The following TAFA1 variants were observed in gnomAD, a reference collection of about 807,000 sequenced individuals.
TAFA1 encodes the protein TAFA chemokine like family member 1, also known as chemokine-like protein TAFA-1.
Under a neutral mutation model 18.5 loss-of-function variants are expected in TAFA1, and 4 were observed. The ratio of observed to expected loss-of-function variants is 0.22; its 90% confidence interval spans 0.11 to 0.49. The LOEUF is 0.49. TAFA1 is among the 20% of genes least tolerant of loss of function. The probability of loss-of-function intolerance (pLI) is 0.98; values close to 1 mark genes in which losing one functional copy is unlikely to be tolerated. For synonymous variants in TAFA1, 56 were observed against 55.2 expected (o/e 1.01, Z -0.06); for missense variants, 147 against 169.0 (o/e 0.87, Z 0.72).
At chr3:68,502,284 T>A (rs1441419257) in intron 3 of TAFA1, among the ~76,000 whole-genome samples, 1 of 152,162 alleles carries the variant, frequency 6.6e-6, no homozygotes, top group Non-Finnish European at 1.5e-5. Context: ...ATAAGGTTTA[T>A]AATTACTCTT....
intron 3 of TAFA1, among the ~76,000 whole-genome samples, chr3:68,445,783 T>G (rs2071465798): frequency 6.6e-6 from 1 of 152,168 alleles, no homozygotes; most frequent in African/African-American, 2.4e-5. Flanking sequence ...AATTTCCAAG[T>G]GCTGCTGCTG....
rs68051336 is a variant in TAFA1, at chr3:68,203,950, G to GC, written c.118+197214dup. ...GGTTAAAGTCACAAAAATGTCAAAG[G>GC]CCCCCCCCACCCCCCATGACCACAT... On this transcript the variant is annotated intron_variant, in intron 2 of 4. Transcript: ENST00000478136. Among the ~76,000 whole-genome samples the GC allele has an allele frequency of 3.7e-3, 472 of 126,274 alleles. 5 individuals carry two copies. The highest frequency in any genetic ancestry group is 0.013 in the African/African-American group (444 of 35,472). 82.8% of individuals were successfully genotyped at this position (126,274 alleles called of 152,430 possible). A position where few individuals can be genotyped will look rare whatever the true frequency, so the allele number is the denominator to read the frequency against.
intron 2 of TAFA1, among the ~76,000 whole-genome samples, chr3:68,125,685 C>T (rs77992358): frequency 0.076 from 11,624 of 152,272 alleles, 522 homozygotes; most frequent in Middle Eastern, 0.12. Flanking sequence ...TGGTGTCCCA[C>T]ATCACATCCC....
intron 1 of TAFA1, among the ~76,000 whole-genome samples, chr3:68,005,659 C>T (rs575118827): frequency 1.3e-5 from 2 of 152,294 alleles, no homozygotes; most frequent in African/African-American, 2.4e-5. Flanking sequence ...TTCCAAAGCC[C>T]TCTCTGCCTA....
At chr3:68,020,044 C>A (rs149356064) in intron 2 of TAFA1, among the ~76,000 whole-genome samples, 2 of 152,326 alleles carry the variant, frequency 1.3e-5, no homozygotes, top group African/African-American at 4.8e-5. Flanking sequence ...CATCATCCAG[C>A]ACTACTATAT....
At chr3:68,174,002 A>G (rs1235221371) in intron 2 of TAFA1, among the ~76,000 whole-genome samples, 3 of 152,230 alleles carry the variant, frequency 2.0e-5, no homozygotes, top group South Asian at 2.1e-4. Context: ...TGTTATAAAA[A>G]CAGTGCAATG....
At chr3:68,036,741 C>A (rs941046582) in intron 2 of TAFA1, among the ~76,000 whole-genome samples, 1 of 152,088 alleles carries the variant, frequency 6.6e-6, no homozygotes, top group Non-Finnish European at 1.5e-5. Context: ...ATCTATCTGC[C>A]CTGCCCCCAA....
At chr3:68,019,627 T>C (rs1704644182) in intron 2 of TAFA1, among the ~76,000 whole-genome samples, 1 of 152,226 alleles carries the variant, frequency 6.6e-6, no homozygotes. Context: ...TGCAGCAGTG[T>C]CTTTTTGCTA....
At chr3:68,350,466 T>TTA (rs1466025495) in intron 2 of TAFA1, among the ~76,000 whole-genome samples, 3 of 152,130 alleles carry the variant, frequency 2.0e-5, no homozygotes, top group African/African-American at 4.8e-5. Context: ...GGATACATGC[T>TTA]TATAGTTAGA....
chr3:68,151,278 A>C (rs1311577689), intron 2 of TAFA1, among the ~76,000 whole-genome samples: 1 of 152,178 alleles, frequency 6.6e-6, no homozygotes, highest in Non-Finnish European at 1.5e-5. Context: ...TTTAATGTAC[A>C]AAAATGTTCA....
intron 2 of TAFA1, chr3:68,145,142 C>A: frequency 1.1e-6 from 1 of 890,914 alleles, no homozygotes; most frequent in Non-Finnish European, 1.9e-6. Context: ...ATGTTTGCTC[C>A]GTAATGACAT....
intron 2 of TAFA1, among the ~76,000 whole-genome samples, chr3:68,289,400 A>G (rs1231260129): frequency 6.6e-6 from 1 of 152,202 alleles, no homozygotes. Context: ...GGTCATAAAG[A>G]TAGTCTCCAT....
At chr3:68,509,165 G>A (rs1315773502) in intron 3 of TAFA1, among the ~76,000 whole-genome samples, 5 of 152,118 alleles carry the variant, frequency 3.3e-5, no homozygotes, top group African/African-American at 4.8e-5. Flanking sequence ...TACTTCATAT[G>A]TATTATTGGT....
At chr3:68,304,317 A>G (rs1292964400) in intron 2 of TAFA1, among the ~76,000 whole-genome samples, 1 of 152,050 alleles carries the variant, frequency 6.6e-6, no homozygotes, top group Non-Finnish European at 1.5e-5. Context: ...ACAAATTTGT[A>G]AAGTAAGTAC....
At chr3:68,343,151 T>C (rs1450744997) in intron 2 of TAFA1, among the ~76,000 whole-genome samples, 1 of 152,192 alleles carries the variant, frequency 6.6e-6, no homozygotes, top group Non-Finnish European at 1.5e-5. Context: ...GCAAATGTCC[T>C]AGGTTAATTG....
intron 2 of TAFA1, among the ~76,000 whole-genome samples, chr3:68,345,047 A>T (rs78392898): frequency 2.6e-5 from 4 of 151,698 alleles, no homozygotes; most frequent in Non-Finnish European, 4.4e-5. Context: ...AAAAAAAAAA[A>T]TTCAAGGAAA....
intron 2 of TAFA1, among the ~76,000 whole-genome samples, chr3:68,284,896 C>A (rs528153265): frequency 2.8e-4 from 42 of 152,184 alleles, no homozygotes; most frequent in African/African-American, 1.0e-3. Context: ...ACAGTGAAAC[C>A]CTGTCTCTAC....
chr3:68,360,771 A>C (rs939438285), intron 2 of TAFA1, among the ~76,000 whole-genome samples: 1 of 152,068 alleles, frequency 6.6e-6, no homozygotes, highest in Non-Finnish European at 1.5e-5. Flanking sequence ...TTTATGCAGA[A>C]ACAAAATCAC....
At chr3:68,538,251 C>G (rs2073308781) in intron 3 of TAFA1, among the ~76,000 whole-genome samples, 1 of 152,204 alleles carries the variant, frequency 6.6e-6, no homozygotes, top group Admixed American at 6.5e-5. Flanking sequence ...GCCTCCAGAA[C>G]AGTAGCTGAT....
Sources: allele counts gnomAD v4.1 joint callset (sites outside exome capture counted in the v4.1 genomes callset), GRCh38; gene constraint gnomAD v4.1.1; transcripts MANE v1.5; gene names NCBI Gene and HGNC (gene_info 2026-07-23, HGNC 2026-07-21).